The following TAF15 variants were observed in gnomAD, a reference collection of about 807,000 sequenced individuals.
TAF15 encodes TATA-box binding protein associated factor 15.
A neutral mutation model predicts 102.5 loss-of-function variants in TAF15; 37 were observed. That is an observed-to-expected ratio of 0.36 (90% CI 0.28 to 0.47). TAF15 has a LOEUF of 0.47. TAF15 is among the 20% of genes least tolerant of loss of function. TAF15 has a pLI of 0.99. For missense variants in TAF15, 652 were observed against 760.7 expected (o/e 0.86, Z 1.68); for synonymous variants, 273 against 259.2 (o/e 1.05, Z -0.51).
At chr17:35,843,350 C>T (rs1480420409) in intron 12 of TAF15, among the ~76,000 whole-genome samples, 2 of 152,048 alleles carry the variant, frequency 1.3e-5, no homozygotes, top group African/African-American at 4.8e-5. Context: ...TCTCGAACTC[C>T]CGACCTGAGA....
intron 7 of TAF15, among the ~76,000 whole-genome samples, chr17:35,827,530 C>T (rs955078025): frequency 6.6e-6 from 1 of 151,924 alleles, no homozygotes; most frequent in Non-Finnish European, 1.5e-5. Flanking sequence ...TAGGGTGAAA[C>T]CCCGTCTCTA....
chr17:35,820,766 C>T (rs2143760459), intron 5 of TAF15, among the ~76,000 whole-genome samples: 1 of 152,044 alleles, frequency 6.6e-6, no homozygotes, highest in South Asian at 2.1e-4. Context: ...TTTAAATTTC[C>T]ATTTTATTTT....
At position 35,834,542 on chromosome 17, in the gene TAF15, C is replaced by CT. The variant is rs774345319; in HGVS notation, c.641-18dup. The CT allele has an allele frequency of 3.5e-5, 57 of 1,611,004 alleles. No homozygotes were observed. In the African/African-American group the frequency reaches 7.0e-4, roughly 20 times the overall value. The stretch of plus-strand genomic sequence containing the variant: ...TTTAAATAAATTGCCTTAAATAGCT[C>CT]TTTTTTCTTTTCTTTTCCCTTAGGT... On this transcript the variant is annotated intron_variant, in intron 8 of 15. Coordinates refer to ENST00000605844, the MANE Select transcript of TAF15 (RefSeq NM_139215.3).
At chr17:35,819,461 A>T (rs1258547290) in intron 2 of TAF15, among the ~76,000 whole-genome samples, 1 of 152,170 alleles carries the variant, frequency 6.6e-6, no homozygotes, top group Non-Finnish European at 1.5e-5. Context: ...AATACTGAGG[A>T]TACGGTATAA....
At chr17:35,840,941 C>G (rs116522863) in intron 11 of TAF15, among the ~76,000 whole-genome samples, 61 of 152,294 alleles carry the variant, frequency 4.0e-4, no homozygotes, top group African/African-American at 1.3e-3. Context: ...ATTTGTCAGA[C>G]TTCATCACCT....
chr17:35,816,068 A>G (rs891302363), intron 1 of TAF15, among the ~76,000 whole-genome samples: 1 of 151,808 alleles, frequency 6.6e-6, no homozygotes, highest in Non-Finnish European at 1.5e-5. Flanking sequence ...CTCAAGCAGT[A>G]CTCCTGTCCT....
chr17:35,826,885 A>C (rs1385192520), intron 7 of TAF15, among the ~76,000 whole-genome samples: 1 of 150,290 alleles, frequency 6.7e-6, no homozygotes, highest in Admixed American at 6.6e-5. Context: ...TATGTGTCAT[A>C]ACACATAAAA....
rs753292569 is a variant in TAF15 at position 35,844,906 on chromosome 17, G to A, written c.1607G>A (p.Gly536Asp). The change falls in exon 15 of 16, where the codon GGT (glycine) becomes GAT (aspartate). Residue 536 changes from glycine (G) to aspartate (D), a missense_variant. Physicochemically the swap from Gly to Asp is moderately conservative, Grantham distance 94 (BLOSUM62 -1). This residue lies in a region of TAF15 where 368 missense variants were observed against 367.5 expected (regional missense o/e 1.00). Coordinates refer to ENST00000605844, the MANE Select transcript of TAF15 (RefSeq NM_139215.3). ...CGGGGGGGCTATGGAGGAGACCGTG[G>A]TGGTGGCAGTGGCTACGGTGGAGAC... The part of the protein sequence containing the change: ...RSRGGYGGDR[G>D]GGSGYGGDRS... 2 of 1,613,194 alleles carry A rather than the reference G, an allele frequency of 1.2e-6. No individual in the cohort carries two copies. The highest frequency in any genetic ancestry group is 4.5e-5 in the East Asian group (2 of 44,796).
chr17:35,834,102 T>C (rs899022707), intron 8 of TAF15, among the ~76,000 whole-genome samples, 161 bp downstream of exon 8: 2 of 151,726 alleles, frequency 1.3e-5, no homozygotes, highest in Admixed American at 6.6e-5. Context: ...TATACACATA[T>C]ATATATCAAA....
intron 13 of TAF15, 45 bp from the exon 14 acceptor site, chr17:35,844,235 C>G: frequency 1.2e-6 from 2 of 1,611,218 alleles, no homozygotes; most frequent in Non-Finnish European, 8.5e-7. Flanking sequence ...GGTTCTGAGT[C>G]CATTAGAAAC....
chr17:35,815,769 GA>G (rs1378969488), intron 1 of TAF15, among the ~76,000 whole-genome samples: 4 of 152,100 alleles, frequency 2.6e-5, no homozygotes, highest in Non-Finnish European at 4.4e-5. Flanking sequence ...TCATTTCATA[GA>G]GGCATCTAAT....
chr17:35,817,330 AAG>A, intron 1 of TAF15: 1 of 222,104 alleles, frequency 4.5e-6, no homozygotes, highest in Non-Finnish European at 9.0e-6. Flanking sequence ...AAGGATGTTC[AAG>A]TAGATGTAAT....
chr17:35,813,763 C>G (rs1308843365), intron 1 of TAF15, among the ~76,000 whole-genome samples: 1 of 150,184 alleles, frequency 6.7e-6, no homozygotes, highest in African/African-American at 2.5e-5. Context: ...AGTAAATGAA[C>G]ATTTTGAATT....
At chr17:35,814,564 CTAA>C (rs1375665185) in intron 1 of TAF15, among the ~76,000 whole-genome samples, 3 of 150,132 alleles carry the variant, frequency 2.0e-5, no homozygotes, top group African/African-American at 2.4e-5. Flanking sequence ...TTTTGTGTGC[CTAA>C]TAATATATAC....
chr17:35,820,345 C>T lies in TAF15; in HGVS notation c.198C>T (p.Ser66=), dbSNP rs780178015. ...TCTAATCTTTAGGTTATTCACAGTC[C>T]TATGGTGGTTATGAGAATCAAAAGC... ...YGQSQSGYSQ[S]YGGYENQKQS... The change falls in exon 5 of 16, where the codon TCC becomes TCT. Residue 66 remains serine, a synonymous_variant. Transcript: ENST00000605844. 7.4e-6 allele frequency: 12 copies of T among 1,613,926 alleles called. No individual in the cohort carries two copies. In the Admixed American group the frequency reaches 2.0e-4, roughly 27 times the overall value.
intron 1 of TAF15, among the ~76,000 whole-genome samples, chr17:35,815,840 C>T (rs1351809473): frequency 6.6e-6 from 1 of 152,144 alleles, no homozygotes; most frequent in East Asian, 1.9e-4. Flanking sequence ...TGGTTGTTAG[C>T]TACAACTCTA....
chr17:35,824,392 T>G, intron 7 of TAF15, 194 bp downstream of exon 7: 1 of 713,178 alleles, frequency 1.4e-6, no homozygotes, highest in Non-Finnish European at 2.2e-6. Context: ...GACCTTAGAA[T>G]TGGCTATGTT....
intron 5 of TAF15, 36 bp from the exon 6 acceptor site, chr17:35,822,604 C>T (rs775520019): frequency 6.3e-7 from 1 of 1,594,592 alleles, no homozygotes; most frequent in East Asian, 2.3e-5. Context: ...ATGTAATCTT[C>T]CTATGAAGTC....
At chr17:35,843,154 G>A (rs916049671) in intron 12 of TAF15, among the ~76,000 whole-genome samples, 36 of 149,758 alleles carry the variant, frequency 2.4e-4, no homozygotes, top group African/African-American at 4.9e-5. Flanking sequence ...ACAGAGTTTC[G>A]CTCTTGTTGC....
Sources: gnomAD v4.1 joint callset for allele counts (sites outside exome capture counted in the v4.1 genomes callset) on GRCh38, gnomAD v4.1.1 for gene constraint, gnomAD v4.1.1 regional missense constraint, MANE v1.5 for transcripts, NCBI Gene and HGNC (gene_info 2026-07-23, HGNC 2026-07-21) for gene names.